Variants in PLVAP observed in about 807,000 individuals in gnomAD.
PLVAP encodes plasmalemma vesicle associated protein.
Under a neutral mutation model 43.1 loss-of-function variants are expected in PLVAP, and 34 were observed. The ratio of observed to expected loss-of-function variants is 0.79; its 90% CI spans 0.60 to 1.05. The LOEUF (loss-of-function observed/expected upper bound fraction) is 1.05, where lower values mean the gene tolerates loss of function less well. Ranked by LOEUF, PLVAP falls within the 50% of genes least tolerant of loss-of-function variation. The pLI is 0.00. For missense variants in PLVAP, 574 were observed against 593.4 expected, an observed-to-expected ratio of 0.97 and a Z score of 0.34; for synonymous variants, 241 against 237.3, an observed-to-expected ratio of 1.02 and a Z score of -0.14.
rs2074566987 is a variant in PLVAP, at chr19:17,370,190, G to C, written c.370-3995C>G. Among the ~76,000 whole-genome samples the C allele has an allele frequency of 2.0e-5, 3 of 152,096 alleles. No individual in the cohort carries two copies. In the South Asian group the frequency reaches 6.2e-4, roughly 32 times the overall value. ...GTGGGGAAATCAGAATTCTCAGACA[G>C]TACTAGTGAGAATGTACAATGTTGC... On this transcript the variant is annotated intron_variant, in intron 1 of 5. Transcript: ENST00000252590.
At chr19:17,373,818 G>C (rs1459019561) in intron 1 of PLVAP, among the ~76,000 whole-genome samples, 2 of 152,040 alleles carry the variant, frequency 1.3e-5, no homozygotes, top group Non-Finnish European at 2.9e-5. Context: ...GCCACCTCAA[G>C]AAAGTCACCT....
chr19:17,363,031 T>A (rs954908448), intron 3 of PLVAP, among the ~76,000 whole-genome samples: 1 of 152,154 alleles, frequency 6.6e-6, no homozygotes, highest in African/African-American at 2.4e-5. Flanking sequence ...ACCCACCAGC[T>A]CCCTACGCTC....
At chr19:17,364,884 T>C (rs1457841586) in intron 3 of PLVAP, among the ~76,000 whole-genome samples, 2 of 149,096 alleles carry the variant, frequency 1.3e-5, no homozygotes, top group African/African-American at 4.9e-5. Context: ...GCGATTCTCC[T>C]GCTTCAGCCT....
chr19:17,362,756 C>T (rs1265796526), intron 3 of PLVAP: 3 of 152,156 alleles, frequency 2.0e-5, no homozygotes, highest in African/African-American at 7.2e-5. Flanking sequence ...ATCCAAATTC[C>T]AAATTCAACC....
intron 5 of PLVAP, among the ~76,000 whole-genome samples, chr19:17,359,479 C>T (rs2074519299): frequency 6.6e-6 from 1 of 151,876 alleles, no homozygotes; most frequent in Non-Finnish European, 1.5e-5. Flanking sequence ...CATCTCGGCT[C>T]ACTGCAACCT....
chr19:17,377,267 C>T lies in PLVAP; in HGVS notation c.22G>A (p.Gly8Arg), dbSNP rs569842497. The T allele has an allele frequency of 8.7e-6, 14 of 1,612,702 alleles. No homozygotes were observed. The highest frequency in any genetic ancestry group is 5.5e-5 in the South Asian group (5 of 90,866). Reference sequence around the variant, plus strand: ...CCCCCCGCCCGAGCGTAGGACCCTCCGTGCTCCATGGCCAGACCCATTTGC... The same window carrying T: ...CCCCCCGCCCGAGCGTAGGACCCTCTGTGCTCCATGGCCAGACCCATTTGC... The part of the protein sequence containing the change: MGLAMEH[G>R]GSYARAGGSS... Residue 8 changes from glycine (G) to arginine (R), a missense_variant, in exon 1 of 6, where the codon GGA becomes AGA. Transcript: ENST00000252590.
At chr19:17,352,405 C>T (rs62128111) in intron 5 of PLVAP, 37 bp from the exon 6 acceptor site, 367,297 of 1,607,332 alleles carry the variant, frequency 0.23, 43,708 homozygotes, top group East Asian at 0.34. Flanking sequence ...AACAGAGTGT[C>T]AGACAGAGGG....
intron 3 of PLVAP, among the ~76,000 whole-genome samples, chr19:17,363,396 A>C (rs1039147696): frequency 6.6e-6 from 1 of 152,064 alleles, no homozygotes; most frequent in Non-Finnish European, 1.5e-5. Context: ...CGAACTCCTG[A>C]CCTCAGGTGA....
At position 17,365,701 on chromosome 19, in the gene PLVAP, T is replaced by C; in HGVS notation, c.764A>G (p.Tyr255Cys). The change falls in exon 3 of 6, where the codon TAC (tyrosine) becomes TGC (cysteine). Residue 255 changes from tyrosine to cysteine, a missense_variant. Transcript: ENST00000252590. ...IIPRSLDNLG[Y>C]NLYHPLGSEL... is the part of the protein sequence containing the mutation. ...CGAGCCCAGGGGATGGTAGAGGTTGTAACCCAGGTTGTCCAGGCTGCGTGG... is the reference window on the plus strand; with the variant it reads ...CGAGCCCAGGGGATGGTAGAGGTTGCAACCCAGGTTGTCCAGGCTGCGTGG... 1.2e-6 allele frequency: 2 copies of C among 1,613,930 alleles called. No individual in the cohort carries two copies. The highest frequency in any genetic ancestry group is 1.7e-6 in the Non-Finnish European group (2 of 1,180,040).
chr19:17,356,314 A>T (rs971323087), intron 5 of PLVAP, among the ~76,000 whole-genome samples: 3 of 152,136 alleles, frequency 2.0e-5, no homozygotes, highest in East Asian at 3.9e-4. Flanking sequence ...ATCTAAAAAG[A>T]AAAAGAAAGA....
chr19:17,365,443 G>T lies in PLVAP; in HGVS notation c.1022C>A (p.Ser341Tyr). The T allele has an allele frequency of 6.2e-7, 1 of 1,613,048 alleles. No individual in the cohort carries two copies. The highest frequency in any genetic ancestry group is 8.5e-7 in the Non-Finnish European group (1 of 1,180,032). The change falls in exon 3 of 6, where the codon TCC (serine) becomes TAC (tyrosine). Residue 341 changes from serine to tyrosine, a missense_variant. Ser to Tyr is a moderately radical substitution (Grantham distance 144). Coordinates refer to ENST00000252590, the MANE Select transcript of PLVAP (RefSeq NM_031310.3). The stretch of plus-strand genomic sequence containing the variant: ...CTCCAGCGCTAGCTGGGTCTGCCGG[G>T]AGCATTCAGCTTGGAGCTTGGCCTC... ...AREAKLQAEC[S>Y]RQTQLALEEK...
chr19:17,365,718 G>C lies in PLVAP; in HGVS notation c.747C>G (p.Ser249Arg). The C allele has an allele frequency of 6.2e-7, 1 of 1,614,022 alleles. No individual in the cohort carries two copies. Among genetic ancestry groups the C allele is most frequent in the Non-Finnish European group, 8.5e-7 (1 of 1,180,054 alleles). ...AGAGGTTGTAACCCAGGTTGTCCAG[G>C]CTGCGTGGGATAATGGAGTCCCTCC... ...NLWRDSIIPR[S>R]LDNLGYNLYH... The change falls in exon 3 of 6, where the codon AGC (serine) becomes AGG (arginine). Residue 249 changes from serine (S) to arginine (R), a missense_variant. Transcript: ENST00000252590.
chr19:17,376,351 G>A (rs188308393), intron 1 of PLVAP, among the ~76,000 whole-genome samples: 1 of 151,842 alleles, frequency 6.6e-6, no homozygotes, highest in Admixed American at 6.6e-5. Flanking sequence ...TTAGCTGGGT[G>A]TGGTGGTGCA....
chr19:17,367,614 C>T (rs967540230), intron 1 of PLVAP, among the ~76,000 whole-genome samples: 3 of 152,270 alleles, frequency 2.0e-5, no homozygotes, highest in African/African-American at 4.8e-5. Flanking sequence ...GTCTTGAACT[C>T]CCAACCTCAG....
At chr19:17,356,199 A>G (rs1189908062) in intron 5 of PLVAP, among the ~76,000 whole-genome samples, 1 of 152,052 alleles carries the variant, frequency 6.6e-6, no homozygotes. Flanking sequence ...AATCCCAGCT[A>G]CTCGGGAGGC....
Position 17,352,352 on chromosome 19 carries a change from T to C in PLVAP, c.*10A>G. The C allele has an allele frequency of 1.9e-6, 3 of 1,613,682 alleles. No homozygotes were observed. The South Asian group carries it at 3.3e-5, about 18-fold the overall frequency. ...CGGGCCATCCCTTGGTCCTCAGGCC[T>C]GGAGCCTCCTCAGCCACTAGGGCAG... On this transcript the variant is annotated 3_prime_UTR_variant, in exon 6 of 6. Coordinates refer to ENST00000252590, the MANE Select transcript of PLVAP (RefSeq NM_031310.3).
chr19:17,377,199 G>A lies in PLVAP; in HGVS notation c.90C>T (p.Leu30=). The change falls in exon 1 of 6, where the codon CTC becomes CTT. Residue 30 remains leucine, a synonymous_variant. Coordinates refer to ENST00000252590, the MANE Select transcript of PLVAP (RefSeq NM_031310.3). ...TGAGGAATTGGATGAGGGAGACGAA[G>A]AGGAAGAAGTAGCGCAGGTAATACC... The part of the protein sequence containing the change: ...GCWYYLRYFF[L]FVSLIQFLII... 1.2e-6 allele frequency: 2 copies of A among 1,614,170 alleles called. No homozygotes were observed. Among genetic ancestry groups the A allele is most frequent in the East Asian group, 4.5e-5 (2 of 44,872 alleles).
intron 1 of PLVAP, among the ~76,000 whole-genome samples, chr19:17,376,068 C>T (rs1351141752): frequency 6.6e-6 from 1 of 151,992 alleles, no homozygotes; most frequent in Non-Finnish European, 1.5e-5. Flanking sequence ...GTGCCAGCTA[C>T]TCAAAAGGCT....
chr19:17,361,923 TA>T (rs113828333), intron 3 of PLVAP, among the ~76,000 whole-genome samples: 53 of 143,072 alleles, frequency 3.7e-4, no homozygotes, highest in Admixed American at 4.9e-4. Context: ...TAAAAAAAAA[TA>T]AAAAAAAAAA....
Sources: gnomAD v4.1 joint callset for allele counts (sites outside exome capture counted in the v4.1 genomes callset) on GRCh38, gnomAD v4.1.1 for gene constraint, MANE v1.5 for transcripts, NCBI Gene and HGNC (gene_info 2026-07-23, HGNC 2026-07-21) for gene names.